IMMP2L: variants seen among roughly 807,000 people sequenced by gnomAD.
IMMP2L encodes the protein mitochondrial inner membrane protease subunit 2.
Under a neutral mutation model 19.3 loss-of-function variants are expected in IMMP2L, and 18 were observed. The ratio of observed to expected loss-of-function variants is 0.93; its 90% confidence interval spans 0.64 to 1.38. The LOEUF (loss-of-function observed/expected upper bound fraction) is 1.38, where lower values mean the gene tolerates loss of function less well. Among genes scored for constraint, IMMP2L ranks in the 40% most tolerant of loss-of-function variants. The pLI is 0.00. For missense variants in IMMP2L, 233 were observed against 218.2 expected (o/e 1.07, Z -0.43); for synonymous variants, 76 against 73.0 (o/e 1.04, Z -0.21).
intron 3 of IMMP2L, among the ~76,000 whole-genome samples, chr7:111,465,916 G>C (rs1840609670): frequency 6.6e-6 from 1 of 152,124 alleles, no homozygotes; most frequent in Non-Finnish European, 1.5e-5. Context: ...CAAAGACTTG[G>C]AACCAGGCCA....
chr7:111,537,359 C>CA (rs1242151410), intron 1 of IMMP2L, among the ~76,000 whole-genome samples: 7 of 152,004 alleles, frequency 4.6e-5, no homozygotes, highest in Non-Finnish European at 8.8e-5. Context: ...CAAAGGTCAA[C>CA]ATGGTAGTGA....
intron 5 of IMMP2L, among the ~76,000 whole-genome samples, chr7:110,824,886 G>C (rs940006603): frequency 6.6e-6 from 1 of 152,080 alleles, no homozygotes; most frequent in Non-Finnish European, 1.5e-5. Flanking sequence ...TTTAATAAAA[G>C]AGGAAGTCAA....
At chr7:110,925,413 C>A (rs1321023965) in intron 4 of IMMP2L, among the ~76,000 whole-genome samples, 1 of 152,100 alleles carries the variant, frequency 6.6e-6, no homozygotes, top group Non-Finnish European at 1.5e-5. Flanking sequence ...AGGACACACA[C>A]TTGTTTTTAT....
At chr7:111,336,022 T>TG (rs1305933227) in intron 3 of IMMP2L, among the ~76,000 whole-genome samples, 1 of 151,988 alleles carries the variant, frequency 6.6e-6, no homozygotes, top group Admixed American at 6.6e-5. Context: ...GTCAAAAAAA[T>TG]GGTTTCAAGT....
At chr7:110,891,329 C>A (rs906311613) in intron 4 of IMMP2L, among the ~76,000 whole-genome samples, 2 of 152,134 alleles carry the variant, frequency 1.3e-5, no homozygotes, top group African/African-American at 4.8e-5. Flanking sequence ...AAAAAACTCT[C>A]TCTTGAGAAT....
chr7:110,853,818 A>G (rs540011996), intron 5 of IMMP2L, among the ~76,000 whole-genome samples: 1 of 152,098 alleles, frequency 6.6e-6, no homozygotes, highest in Admixed American at 6.6e-5. Flanking sequence ...GAGAGTTTCA[A>G]GGCAAAATAG....
At chr7:111,317,120 T>C (rs900933792) in intron 3 of IMMP2L, among the ~76,000 whole-genome samples, 4 of 152,080 alleles carry the variant, frequency 2.6e-5, no homozygotes, top group Non-Finnish European at 4.4e-5. Flanking sequence ...AGTGCTGGGA[T>C]TGCAGGCATG....
intron 3 of IMMP2L, among the ~76,000 whole-genome samples, chr7:111,242,071 G>C (rs1265305473): frequency 6.6e-6 from 1 of 151,810 alleles, no homozygotes; most frequent in African/African-American, 2.4e-5. Flanking sequence ...TTGCATCATA[G>C]AAGTGATTTT....
intron 4 of IMMP2L, among the ~76,000 whole-genome samples, chr7:110,951,116 G>A (rs1424086613): frequency 6.6e-6 from 1 of 151,258 alleles, no homozygotes; most frequent in Non-Finnish European, 1.5e-5. Context: ...ACCAGGAGCT[G>A]GGGGAGGTGG....
chr7:111,484,298 T>C (rs893617356), intron 3 of IMMP2L, among the ~76,000 whole-genome samples: 1 of 152,178 alleles, frequency 6.6e-6, no homozygotes, highest in African/African-American at 2.4e-5. Context: ...TAAGCCCTAC[T>C]GATTTAAGTA....
In IMMP2L at chr7:110,997,787, A is replaced by C. The variant is rs1823201017; in HGVS notation, c.240-34222T>G. 2.0e-5 allele frequency among the ~76,000 whole-genome samples: 3 copies of C among 152,092 alleles called. No individual in the cohort carries two copies. In the South Asian group the frequency reaches 6.2e-4, roughly 32 times the overall value. ...TCTTCCTCAGATATGCGGTTTGCAA[A>C]TACTTTCTCCCAGTCTGCAGCTTGT... is the stretch of plus-strand genomic sequence containing the variant. On this transcript the variant is annotated intron_variant, in intron 3 of 5. Coordinates refer to ENST00000405709, the MANE Select transcript of IMMP2L (RefSeq NM_032549.4).
In IMMP2L at chr7:110,870,455, C is replaced by A. The variant is rs1184748650; in HGVS notation, c.408+16138G>T. ...ACCAAAAGGACAAGGTTCCTGACCT[C>A]ATGAAGCTCAATTTTCTATTGGAGG... On this transcript the variant is annotated intron_variant, in intron 5 of 5. Transcript: ENST00000405709. The surrounding 1 kb of genome is among the most constrained non-coding windows in gnomAD (Gnocchi z 4.2). 6.6e-6 allele frequency among the ~76,000 whole-genome samples: 1 copy of A among 152,020 alleles called. No individual in the cohort carries two copies. Among genetic ancestry groups the A allele is most frequent in the Non-Finnish European group, 1.5e-5 (1 of 68,002 alleles).
intron 3 of IMMP2L, among the ~76,000 whole-genome samples, chr7:111,170,215 G>A (rs1806277833): frequency 6.6e-6 from 1 of 151,734 alleles, no homozygotes; most frequent in African/African-American, 2.4e-5. Context: ...TCTCTCGTTA[G>A]TCTTGTTAGT....
intron 5 of IMMP2L, among the ~76,000 whole-genome samples, chr7:110,837,264 T>C (rs1487608389): frequency 6.6e-6 from 1 of 151,824 alleles, no homozygotes; most frequent in African/African-American, 2.4e-5. Flanking sequence ...AATATGTGTA[T>C]GGTATTCCAG....
intron 3 of IMMP2L, among the ~76,000 whole-genome samples, chr7:111,436,609 A>G (rs1434761172): frequency 6.6e-6 from 1 of 151,854 alleles, no homozygotes; most frequent in Non-Finnish European, 1.5e-5. Flanking sequence ...AAAGTAACCC[A>G]AAAATTTTTA....
intron 5 of IMMP2L, among the ~76,000 whole-genome samples, chr7:110,879,404 G>A (rs940067513): frequency 4.0e-5 from 6 of 150,790 alleles, no homozygotes; most frequent in African/African-American, 1.2e-4. Context: ...AAAAAAGGAA[G>A]TATTATTTTA....
chr7:111,499,796 T>C (rs928796887), intron 2 of IMMP2L, among the ~76,000 whole-genome samples: 1 of 152,180 alleles, frequency 6.6e-6, no homozygotes, highest in Non-Finnish European at 1.5e-5. Flanking sequence ...CTCTGGGCTT[T>C]GGGCTCTTTT....
chr7:111,219,895 A>T (rs913609832), intron 3 of IMMP2L, among the ~76,000 whole-genome samples: 3 of 152,056 alleles, frequency 2.0e-5, no homozygotes, highest in Non-Finnish European at 4.4e-5. Flanking sequence ...GTAGTGATAG[A>T]ATGATTCAAG....
intron 5 of IMMP2L, among the ~76,000 whole-genome samples, chr7:110,780,140 A>G (rs1228901195): frequency 6.6e-6 from 1 of 151,576 alleles, no homozygotes; most frequent in Non-Finnish European, 1.5e-5. Context: ...GGAAGAGCTG[A>G]GATATCCTGG....
Sources: gnomAD v4.1 joint callset for allele counts (sites outside exome capture counted in the v4.1 genomes callset) on GRCh38, gnomAD v4.1.1 for gene constraint, Gnocchi (gnomAD v3.1) non-coding constraint, MANE v1.5 for transcripts, NCBI Gene and HGNC (gene_info 2026-07-23, HGNC 2026-07-21) for gene names.